The following UBLCP1 variants were observed in gnomAD, a reference collection of about 807,000 sequenced individuals.
UBLCP1 encodes the protein ubiquitin-like domain-containing CTD phosphatase 1.
In UBLCP1, 28 loss-of-function variants were observed where a neutral mutation model predicts 42.4. The ratio of observed to expected loss-of-function variants is 0.66; its 90% CI spans 0.49 to 0.90. The LOEUF is 0.90. Among genes scored for constraint, UBLCP1 ranks in the 40% least tolerant of loss-of-function variants. The pLI, the probability that UBLCP1 is intolerant of heterozygous loss-of-function variation, is 0.00. For missense variants in UBLCP1, 279 were observed against 374.5 expected, an observed-to-expected ratio of 0.75 and a Z score of 2.10; for synonymous variants, 122 against 120.8, an observed-to-expected ratio of 1.01 and a Z score of -0.07.
intron 9 of UBLCP1, 26 bp downstream of exon 9, chr5:159,278,380 T>C (rs1178703647): frequency 1.4e-6 from 2 of 1,479,612 alleles, no homozygotes; most frequent in East Asian, 2.3e-5. Context: ...ACTTGTTATG[T>C]GCTCATGTAA....
chr5:159,269,882 A>G, intron 2 of UBLCP1, 26 bp from the exon 3 acceptor site: 2 of 1,588,754 alleles, frequency 1.3e-6, no homozygotes, highest in Non-Finnish European at 8.6e-7. Context: ...CTTTAGTGAG[A>G]AAACAGTCAT....
intron 1 of UBLCP1, among the ~76,000 whole-genome samples, chr5:159,266,836 A>G (rs1454018754): frequency 6.6e-6 from 1 of 152,180 alleles, no homozygotes; most frequent in Non-Finnish European, 1.5e-5. Context: ...TAGCTTCCAT[A>G]TGGTGTTGAG....
At chr5:159,267,210 A>C (rs1753408781) in intron 1 of UBLCP1, among the ~76,000 whole-genome samples, 1 of 152,234 alleles carries the variant, frequency 6.6e-6, no homozygotes, top group African/African-American at 2.4e-5. Flanking sequence ...GGAGCTATCC[A>C]AGACCATAGG....
intron 10 of UBLCP1, among the ~76,000 whole-genome samples, chr5:159,284,643 G>C (rs745547695): frequency 1.1e-4 from 16 of 152,182 alleles, no homozygotes; most frequent in Middle Eastern, 3.4e-3. Context: ...GTGTGAATTT[G>C]GGCAAATTGC....
chr5:159,281,068 A>C (rs1753600807), intron 9 of UBLCP1, among the ~76,000 whole-genome samples: 1 of 152,244 alleles, frequency 6.6e-6, no homozygotes, highest in African/African-American at 2.4e-5. Context: ...TTAGGTGCAT[A>C]GATTTTCACC....
At chr5:159,272,245 A>G (rs886721044) in intron 6 of UBLCP1, 124 bp downstream of exon 6, 8 of 749,882 alleles carry the variant, frequency 1.1e-5, no homozygotes, top group African/African-American at 5.3e-5. Context: ...TTTTTTAGCA[A>G]ATTTCTAAAA....
At chr5:159,267,647 A>G (rs1204172928) in intron 1 of UBLCP1, among the ~76,000 whole-genome samples, 1 of 152,196 alleles carries the variant, frequency 6.6e-6, no homozygotes, top group Non-Finnish European at 1.5e-5. Context: ...CTTGAATGAT[A>G]TCTCCCATAA....
At chr5:159,265,480 T>C (rs1173538778) in intron 1 of UBLCP1, among the ~76,000 whole-genome samples, 3 of 152,208 alleles carry the variant, frequency 2.0e-5, no homozygotes, top group Non-Finnish European at 4.4e-5. Flanking sequence ...ATATAATCTT[T>C]GTGTGCTTAG....
chr5:159,282,125 C>T (rs896323297), intron 9 of UBLCP1, among the ~76,000 whole-genome samples: 37 of 152,042 alleles, frequency 2.4e-4, no homozygotes, highest in African/African-American at 7.0e-4. Flanking sequence ...TTGCTCTATA[C>T]GCTACTTCCC....
At chr5:159,281,525 A>G (rs779236331) in intron 9 of UBLCP1, among the ~76,000 whole-genome samples, 6 of 152,180 alleles carry the variant, frequency 3.9e-5, no homozygotes, top group Non-Finnish European at 5.9e-5. Context: ...TCTCCCACAA[A>G]TGCTGATTTC....
intron 9 of UBLCP1, among the ~76,000 whole-genome samples, chr5:159,281,983 G>A (rs1395106777): frequency 6.6e-6 from 1 of 151,740 alleles, no homozygotes; most frequent in Non-Finnish European, 1.5e-5. Context: ...GTGTGCTTTA[G>A]GAATATGTAT....
At chr5:159,280,993 A>T (rs1753600273) in intron 9 of UBLCP1, among the ~76,000 whole-genome samples, 1 of 152,192 alleles carries the variant, frequency 6.6e-6, no homozygotes, top group African/African-American at 2.4e-5. Context: ...CCTTTTAGTG[A>T]TCACTTAGAT....
intron 1 of UBLCP1, among the ~76,000 whole-genome samples, chr5:159,268,136 T>C (rs930513015): frequency 6.6e-6 from 1 of 151,496 alleles, no homozygotes; most frequent in Non-Finnish European, 1.5e-5. Context: ...ACTTACCAAA[T>C]TACTTTCTCT....
chr5:159,271,742 A>G lies in UBLCP1; in HGVS notation c.449-281A>G, dbSNP rs573334395. Among the ~76,000 whole-genome samples, 3 of 152,322 alleles carry G rather than the reference A, an allele frequency of 2.0e-5. No individual in the cohort carries two copies. In the East Asian group the frequency reaches 5.8e-4, roughly 29 times the overall value. On this transcript the variant is annotated intron_variant, in intron 5 of 10. Transcript: ENST00000296786. ...AAAAAATAACATCTAAACTTTAGAG[A>G]CTAGGTGAGAAAAAAATTTTCAGTT...
intron 9 of UBLCP1, among the ~76,000 whole-genome samples, chr5:159,282,906 T>A (rs917573520): frequency 6.6e-6 from 1 of 152,032 alleles, no homozygotes; most frequent in Admixed American, 6.6e-5. Context: ...ACTAGAATGA[T>A]AGGAGGCGGG....
In UBLCP1 at chr5:159,268,961, G is replaced by T; in HGVS notation, c.46G>T (p.Val16Leu). The T allele has an allele frequency of 6.2e-7, 1 of 1,611,832 alleles. No homozygotes were observed. The highest frequency in any genetic ancestry group is 1.1e-5 in the South Asian group (1 of 90,550). Reference protein sequence around the residue: ...IVKWGGQEYSVTTLSEDDTVL... With the variant: ...IVKWGGQEYSLTTLSEDDTVL... ...AAAATGGGGTGGACAGGAGTATTCA[G>T]TGACCACACTTTCAGAAGATGATAC... The change falls in exon 2 of 11, where the codon GTG becomes TTG. Residue 16 changes from valine to leucine, a missense_variant. Val to Leu is a conservative substitution (Grantham distance 32). Coordinates refer to ENST00000296786, the MANE Select transcript of UBLCP1 (RefSeq NM_145049.5).
chr5:159,281,861 CAAA>C (rs5872593), intron 9 of UBLCP1, among the ~76,000 whole-genome samples: 1 of 142,164 alleles, frequency 7.0e-6, no homozygotes, highest in African/African-American at 2.6e-5. Flanking sequence ...AACTAATGAC[CAAA>C]AAAAAAAAAA....
At chr5:159,277,060 G>A (rs900179843) in intron 8 of UBLCP1, among the ~76,000 whole-genome samples, 2 of 151,706 alleles carry the variant, frequency 1.3e-5, no homozygotes, top group African/African-American at 4.8e-5. Context: ...TTTTATTCTG[G>A]ATGTCATAAA....
At chr5:159,266,262 G>T (rs908411366) in intron 1 of UBLCP1, among the ~76,000 whole-genome samples, 5 of 152,186 alleles carry the variant, frequency 3.3e-5, no homozygotes, top group African/African-American at 9.6e-5. Context: ...TGAGGAACTT[G>T]TTGGGAACTG....
Sources: allele counts gnomAD v4.1 joint callset (sites outside exome capture counted in the v4.1 genomes callset), GRCh38; gene constraint gnomAD v4.1.1; transcripts MANE v1.5; gene names NCBI Gene and HGNC (gene_info 2026-07-23, HGNC 2026-07-21).